The following DNAH8 variants were observed in gnomAD, a reference collection of about 807,000 sequenced individuals.
DNAH8 encodes the protein axonemal beta dynein heavy chain 8.
DNAH8 carries 382 observed loss-of-function variants against 562.1 expected under a neutral mutation model. The observed-to-expected ratio is 0.68, with a 90% CI of 0.63 to 0.74. The LOEUF is 0.74. Among genes scored for constraint, DNAH8 ranks in the 30% least tolerant of loss-of-function variants. DNAH8 has a pLI of 0.00. For synonymous variants in DNAH8, 1,881 were observed against 1,919.4 expected (o/e 0.98, Z 0.52); for missense variants, 5,203 against 5,620.4 (o/e 0.93, Z 2.37).
At chr6:38,758,158 G>A (rs192830348) in intron 10 of DNAH8, among the ~76,000 whole-genome samples, 206 of 152,308 alleles carry the variant, frequency 1.4e-3, no homozygotes, top group African/African-American at 4.5e-3. Context: ...TCCTACCCAT[G>A]AGCATGGAAT....
intron 9 of DNAH8, among the ~76,000 whole-genome samples, chr6:38,752,258 G>A (rs1467243780): frequency 6.6e-6 from 1 of 151,214 alleles, no homozygotes; most frequent in African/African-American, 2.5e-5. Context: ...CCGCCTCCCG[G>A]GTTCAAGCAA....
At chr6:38,842,924 T>C in intron 35 of DNAH8, 21 bp downstream of exon 35, 1 of 1,606,354 alleles carries the variant, frequency 6.2e-7, no homozygotes, top group Non-Finnish European at 8.5e-7. Flanking sequence ...GTATACGTTC[T>C]TATCAATGAT....
intron 82 of DNAH8, among the ~76,000 whole-genome samples, chr6:38,953,400 G>A (rs944561795): frequency 1.3e-5 from 2 of 152,148 alleles, no homozygotes; most frequent in Non-Finnish European, 2.9e-5. Flanking sequence ...GTCTCCTTTG[G>A]GAGAAATTAT....
At chr6:38,911,213 C>A (rs954597183) in intron 65 of DNAH8, among the ~76,000 whole-genome samples, 1 of 152,168 alleles carries the variant, frequency 6.6e-6, no homozygotes, top group African/African-American at 2.4e-5. Flanking sequence ...AGGGGTAGAG[C>A]AGATATTCTT....
chr6:38,723,927 A>G (rs11751371), intron 3 of DNAH8, among the ~76,000 whole-genome samples: 27,973 of 151,820 alleles, frequency 0.18, 3,006 homozygotes, highest in Non-Finnish European at 0.25. Flanking sequence ...GAGAAGGTTT[A>G]GTTTATATAA....
rs1158694608 is a variant in DNAH8, at chr6:38,723,175, A to G, written c.366A>G (p.Leu122=). 1.6e-5 allele frequency: 26 copies of G among 1,611,546 alleles called. No individual in the cohort carries two copies. Among genetic ancestry groups the G allele is most frequent in the Non-Finnish European group, 2.2e-5 (26 of 1,179,582 alleles). Reference sequence around the variant, plus strand: ...GGAGTATGAGTGGCCTTCCCAATCTACAGGAAACATTAAAAGAGAGACAGG... The same window carrying G: ...GGAGTATGAGTGGCCTTCCCAATCTGCAGGAAACATTAAAAGAGAGACAGG... ...YRRSMSGLPN[L]QETLKERQAR... The change falls in exon 2 of 93, where the codon CTA becomes CTG. Residue 122 remains leucine (L), a synonymous_variant. Coordinates refer to ENST00000327475, the MANE Select transcript of DNAH8 (RefSeq NM_001206927.2).
intron 87 of DNAH8, 144 bp downstream of exon 87, chr6:38,984,451 TACAC>T: frequency 3.2e-6 from 2 of 626,396 alleles, no homozygotes; most frequent in South Asian, 1.8e-5. Flanking sequence ...TGTGTGCGCT[TACAC>T]ACACGCACAC....
chr6:38,729,928 G>T lies in DNAH8; in HGVS notation c.552G>T (p.Ala184=). 1 of 1,593,544 alleles carries T rather than the reference G, an allele frequency of 6.3e-7. No individual in the cohort carries two copies. Residue 184 remains alanine (A), a synonymous_variant, in exon 4 of 93, where the codon GCG becomes GCT. Transcript: ENST00000327475. ...PSLEAFTNFF[A]KDGCKTLKFL... The stretch of plus-strand genomic sequence containing the variant: ...TGGAAGCATTTACTAATTTTTTTGC[G>T]AAAGATGGTTGTAAGACACTGAAAT...
intron 89 of DNAH8, among the ~76,000 whole-genome samples, chr6:39,010,550 C>T (rs1037856757): frequency 1.4e-4 from 21 of 152,092 alleles, no homozygotes; most frequent in Middle Eastern, 3.4e-3. Flanking sequence ...AGTAAAGTTT[C>T]CCTTTTAAAA....
chr6:38,909,864 GA>G, intron 65 of DNAH8, 120 bp downstream of exon 65: 1 of 856,750 alleles, frequency 1.2e-6, no homozygotes, highest in Non-Finnish European at 1.8e-6. Context: ...TGTATTTTTA[GA>G]TCTTTCTTGC....
Position 39,008,907 on chromosome 6 carries a change from T to C in DNAH8, c.13308T>C (p.Ala4436=). 9 of 1,608,964 alleles carry C rather than the reference T, an allele frequency of 5.6e-6. No individual in the cohort carries two copies. Among genetic ancestry groups the C allele is most frequent in the Non-Finnish European group, 7.7e-6 (9 of 1,175,420 alleles). ...GTGGTGTGGGAGAGACCCGGGAGGC[T>C]ATTGTTTATAGATTATCTGAAGATA... ...SGGGVGETRE[A]IVYRLSEDML... is the part of the protein sequence containing the mutation. Residue 4436 remains alanine, a synonymous_variant, in exon 89 of 93, where the codon GCT becomes GCC. Coordinates refer to ENST00000327475, the MANE Select transcript of DNAH8 (RefSeq NM_001206927.2).
At chr6:38,772,971 CTTTTTTTTTTTTTTTT>C (rs58784448) in intron 12 of DNAH8, among the ~76,000 whole-genome samples, 2 of 88,088 alleles carry the variant, frequency 2.3e-5, no homozygotes, top group African/African-American at 1.0e-4. Flanking sequence ...GCTAATTAAA[CTTTTTTTTTTTTTTTT>C]TTTTTTTTTT....
chr6:38,777,416 G>A (rs1296920789), intron 13 of DNAH8, among the ~76,000 whole-genome samples: 1 of 151,974 alleles, frequency 6.6e-6, no homozygotes, highest in Non-Finnish European at 1.5e-5. Flanking sequence ...ATTTACTTGA[G>A]GCATCAGTGT....
chr6:38,815,966 G>GA (rs1277550550), intron 26 of DNAH8, among the ~76,000 whole-genome samples: 1 of 152,084 alleles, frequency 6.6e-6, no homozygotes, highest in African/African-American at 2.4e-5. Context: ...AAGTAGTTAT[G>GA]AATATGATAT....
intron 70 of DNAH8, among the ~76,000 whole-genome samples, chr6:38,920,718 C>T (rs1384286541): frequency 6.6e-6 from 1 of 151,992 alleles, no homozygotes; most frequent in Non-Finnish European, 1.5e-5. Flanking sequence ...AACTAACGTT[C>T]ATGATGGACT....
intron 88 of DNAH8, among the ~76,000 whole-genome samples, chr6:38,994,954 G>T (rs1168554980): frequency 6.6e-6 from 1 of 151,718 alleles, no homozygotes; most frequent in Non-Finnish European, 1.5e-5. Context: ...TCCATTTCTG[G>T]GCTTTCTATT....
rs35382684 is a variant in DNAH8 at position 38,958,646 on chromosome 6, CAAAAAA to C, written c.12451+7144_12451+7149del. ...TTGAATCAGTGATTAAGTCTCCCAT[CAAAAAA>C]AAAAAAAAAAAAAAAAAGCCCAGGA... On this transcript the variant is annotated intron_variant, in intron 82 of 92. Transcript: ENST00000327475. Among the ~76,000 whole-genome samples the C allele has an allele frequency of 1.0e-4, 6 of 58,892 alleles. No homozygotes were observed. In the South Asian group the frequency reaches 2.0e-3, roughly 19 times the overall value. The allele number at this position is 58,892 out of a possible 152,430, so 38.6% of individuals were successfully genotyped here.
chr6:39,008,742 C>A, intron 88 of DNAH8, 72 bp from the exon 89 acceptor site: 29 of 633,996 alleles, frequency 4.6e-5, no homozygotes, highest in Non-Finnish European at 5.6e-5. Flanking sequence ...TCTATCAGTT[C>A]ATTTTAACAC....
At chr6:38,756,119 A>G (rs1765885254) in intron 10 of DNAH8, 40 bp downstream of exon 10, 2 of 1,255,090 alleles carry the variant, frequency 1.6e-6, no homozygotes, top group Non-Finnish European at 2.3e-6. Flanking sequence ...CATCCTGTGA[A>G]AAAGTTAGCA....
Sources: gnomAD v4.1 joint callset for allele counts (sites outside exome capture counted in the v4.1 genomes callset) on GRCh38, gnomAD v4.1.1 for gene constraint, MANE v1.5 for transcripts, NCBI Gene and HGNC (gene_info 2026-07-23, HGNC 2026-07-21) for gene names.